The following DIS3L2 variants were observed in gnomAD, a reference collection of about 807,000 sequenced individuals.
DIS3L2 encodes the protein DIS3 like 3'-5' exoribonuclease 2, also known as DIS3-like exonuclease 2.
In DIS3L2, 34 loss-of-function variants were observed where a neutral mutation model predicts 97.5. The observed-to-expected ratio is 0.35, with a 90% CI of 0.27 to 0.46. DIS3L2 has a LOEUF of 0.46. Among genes scored for constraint, DIS3L2 ranks in the 20% least tolerant of loss-of-function variants. The pLI is 1.00. For missense variants in DIS3L2, 1,038 were observed against 1,146.0 expected, an observed-to-expected ratio of 0.91 and a Z score of 1.36; for synonymous variants, 435 against 445.2, an observed-to-expected ratio of 0.98 and a Z score of 0.29.
At chr2:232,148,813 T>C in intron 8 of DIS3L2, among the ~76,000 whole-genome samples, 1 of 139,880 alleles carries the variant, frequency 7.1e-6, no homozygotes, top group Non-Finnish European at 1.5e-5. Flanking sequence ...AGCTAATAAT[T>C]CCAAAAAAAT....
At chr2:232,040,373 C>T (rs573662573) in intron 5 of DIS3L2, among the ~76,000 whole-genome samples, 10 of 152,278 alleles carry the variant, frequency 6.6e-5, no homozygotes, top group African/African-American at 1.9e-4. Context: ...GGATCCTGCC[C>T]TCAAGGGAAA....
In DIS3L2 at chr2:232,181,786, A is replaced by G. The variant is rs374772813; in HGVS notation, c.1124+18154A>G. On this transcript the variant is annotated intron_variant, in intron 9 of 20. Transcript: ENST00000325385. ...CCAGATAGCTGGGATACAGGCGTGC[A>G]TCATCACACCCAGCTAATTTTTGTT... Among the ~76,000 whole-genome samples, 25 of 151,882 alleles carry G rather than the reference A, an allele frequency of 1.6e-4. No homozygotes were observed. The East Asian group carries it at 5.0e-3, about 30-fold the overall frequency.
intron 6 of DIS3L2, among the ~76,000 whole-genome samples, chr2:232,090,549 C>T (rs1346072870): frequency 6.6e-6 from 1 of 152,116 alleles, no homozygotes; most frequent in Non-Finnish European, 1.5e-5. Flanking sequence ...CAACCATCTT[C>T]TCTTACTTGG....
chr2:232,021,697 C>T (rs1694518635), intron 3 of DIS3L2, among the ~76,000 whole-genome samples: 1 of 152,056 alleles, frequency 6.6e-6, no homozygotes, highest in Non-Finnish European at 1.5e-5. Context: ...AGGATGACAG[C>T]ACCAAAGAGG....
intron 11 of DIS3L2, among the ~76,000 whole-genome samples, chr2:232,246,858 C>A (rs959853334): frequency 7.6e-4 from 2 of 2,620 alleles, no homozygotes; most frequent in East Asian, 0.14. Context: ...TAACACACAC[C>A]AATTAATGAA....
intron 1 of DIS3L2, among the ~76,000 whole-genome samples, chr2:232,004,196 C>A (rs1693985813): frequency 6.6e-6 from 1 of 152,096 alleles, no homozygotes; most frequent in Non-Finnish European, 1.5e-5. Context: ...CCTCACCCTC[C>A]CAAGTAGCTG....
At chr2:232,176,186 C>CG (rs1691146761) in intron 9 of DIS3L2, among the ~76,000 whole-genome samples, 1 of 152,212 alleles carries the variant, frequency 6.6e-6, no homozygotes, top group African/African-American at 2.4e-5. Flanking sequence ...CCACCGCACC[C>CG]GGCTTCTTCC....
chr2:232,282,210 T>C (rs1375646253), intron 13 of DIS3L2, among the ~76,000 whole-genome samples: 1 of 145,848 alleles, frequency 6.9e-6, no homozygotes, highest in African/African-American at 2.6e-5. Flanking sequence ...ATGTCAGTGA[T>C]AGATGAGGGC....
chr2:232,334,772 A>G (rs772612937), intron 19 of DIS3L2, 37 bp downstream of exon 19: 39 of 1,550,648 alleles, frequency 2.5e-5, no homozygotes, highest in Non-Finnish European at 3.4e-5. Flanking sequence ...CGGGCAGGGC[A>G]GCCCAAGCCA....
intron 12 of DIS3L2, among the ~76,000 whole-genome samples, chr2:232,253,942 A>G (rs1350315991): frequency 6.6e-6 from 1 of 152,240 alleles, no homozygotes; most frequent in Non-Finnish European, 1.5e-5. Flanking sequence ...ACATGAAAGT[A>G]AAGGGCACAA....
chr2:232,279,217 G>A (rs920050444), intron 13 of DIS3L2, among the ~76,000 whole-genome samples: 10 of 148,372 alleles, frequency 6.7e-5, no homozygotes, highest in Admixed American at 2.6e-4. Flanking sequence ...GATTACAGGC[G>A]TGAGCCACCA....
intron 5 of DIS3L2, among the ~76,000 whole-genome samples, chr2:232,038,572 AT>A (rs1350712983): frequency 6.6e-6 from 1 of 152,200 alleles, no homozygotes; most frequent in Non-Finnish European, 1.5e-5. Flanking sequence ...GATGGCCAAA[AT>A]AAGCAAACAT....
intron 1 of DIS3L2, among the ~76,000 whole-genome samples, chr2:231,966,200 ACT>A (rs1362388002): frequency 7.5e-6 from 1 of 132,510 alleles, no homozygotes; most frequent in African/African-American, 3.0e-5. Context: ...ACAGAGACTT[ACT>A]CTGTTGCCCA....
chr2:232,157,306 C>G (rs1690519304), intron 8 of DIS3L2, among the ~76,000 whole-genome samples: 1 of 152,180 alleles, frequency 6.6e-6, no homozygotes, highest in African/African-American at 2.4e-5. Context: ...TCCTCCCTTG[C>G]ATTCTTTCTT....
At chr2:232,030,804 T>C (rs1694784285) in intron 5 of DIS3L2, among the ~76,000 whole-genome samples, 1 of 152,182 alleles carries the variant, frequency 6.6e-6, no homozygotes, top group Admixed American at 6.6e-5. Flanking sequence ...TTTATTTGGC[T>C]TTTTTGTTTT....
chr2:232,083,174 T>C (rs1696456304), intron 5 of DIS3L2, among the ~76,000 whole-genome samples: 2 of 151,682 alleles, frequency 1.3e-5, no homozygotes, highest in Admixed American at 6.6e-5. Context: ...AGCCAAACCA[T>C]GTCGCCTTCT....
rs747955751 is a variant in DIS3L2, at chr2:232,329,906, C to G, written c.1833C>G (p.Pro611=). 6.2e-7 allele frequency: 1 copy of G among 1,612,924 alleles called. No individual in the cohort carries two copies. Reference sequence around the variant, plus strand: ...AGCAGGCCCTGCTGCGCCGGCACCCCCCGCCCCAAACAAGGATGCTCAGTG... The same window carrying G: ...AGCAGGCCCTGCTGCGCCGGCACCCGCCGCCCCAAACAAGGATGCTCAGTG... ...FPEQALLRRH[P]PPQTRMLSDL... Residue 611 remains proline (P), a synonymous_variant, in exon 15 of 21, where the codon CCC becomes CCG. Transcript: ENST00000325385.
intron 14 of DIS3L2, among the ~76,000 whole-genome samples, chr2:232,326,820 C>T (rs145428235): frequency 0.091 from 13,336 of 146,096 alleles, 898 homozygotes; most frequent in African/African-American, 0.2. Flanking sequence ...GCAAGGTGGG[C>T]CTCTCCTCCA....
chr2:232,336,305 C>T (rs1432198553), intron 20 of DIS3L2, 164 bp from the exon 21 acceptor site: 47 of 1,547,236 alleles, frequency 3.0e-5, no homozygotes, highest in Non-Finnish European at 4.0e-5. Context: ...TCTGCCCTGA[C>T]CCAGGGCATT....
Sources: allele counts gnomAD v4.1 joint callset (sites outside exome capture counted in the v4.1 genomes callset), GRCh38; gene constraint gnomAD v4.1.1; transcripts MANE v1.5; gene names NCBI Gene and HGNC (gene_info 2026-07-23, HGNC 2026-07-21).